The following TOM1L2 variants were observed in gnomAD, a reference collection of about 807,000 sequenced individuals.
TOM1L2 encodes TOM1-like protein 2.
In TOM1L2, 31 loss-of-function variants were observed where a neutral mutation model predicts 67.9. The observed-to-expected ratio is 0.46, with a 90% confidence interval of 0.34 to 0.62. The LOEUF (loss-of-function observed/expected upper bound fraction) is 0.62. Among genes scored for constraint, TOM1L2 ranks in the 20% least tolerant of loss-of-function variants. The pLI is 0.01. For missense variants in TOM1L2, 606 were observed against 663.5 expected (o/e 0.91, Z 0.95); for synonymous variants, 256 against 254.0 (o/e 1.01, Z -0.07).
At chr17:17,960,275 G>GCAGATTTGA (rs2041628863) in intron 1 of TOM1L2, among the ~76,000 whole-genome samples, 1 of 152,202 alleles carries the variant, frequency 6.6e-6, no homozygotes, top group African/African-American at 2.4e-5. Context: ...GCTGCCCACA[G>GCAGATTTGA]ACCTGGGTTC....
At chr17:17,953,449 C>T (rs770819502) in intron 1 of TOM1L2, among the ~76,000 whole-genome samples, 6 of 152,124 alleles carry the variant, frequency 3.9e-5, no homozygotes, top group African/African-American at 9.7e-5. Flanking sequence ...AGGAGTGCCC[C>T]GGATCACTTT....
chr17:17,971,975 C>T (rs550705084), intron 1 of TOM1L2, among the ~76,000 whole-genome samples: 3 of 152,048 alleles, frequency 2.0e-5, no homozygotes, highest in South Asian at 2.1e-4. Context: ...GGCACCGGCG[C>T]CCGGCGAACG....
intron 1 of TOM1L2, among the ~76,000 whole-genome samples, chr17:17,964,321 T>C (rs2041802366): frequency 6.6e-6 from 1 of 152,234 alleles, no homozygotes; most frequent in Non-Finnish European, 1.5e-5. Flanking sequence ...CCCTAACTGA[T>C]GCTCCTCTGG....
intron 1 of TOM1L2, among the ~76,000 whole-genome samples, chr17:17,948,746 T>C (rs1184340537): frequency 6.6e-6 from 1 of 151,932 alleles, no homozygotes; most frequent in South Asian, 2.1e-4. Context: ...TCACACCCCC[T>C]CTTGCTAAGA....
intron 1 of TOM1L2, among the ~76,000 whole-genome samples, chr17:17,960,674 T>C (rs1402630369): frequency 1.3e-5 from 2 of 152,124 alleles, no homozygotes; most frequent in African/African-American, 4.8e-5. Context: ...TCCTAGTCTT[T>C]TAAAATATGA....
chr17:17,967,732 C>T (rs757532966), intron 1 of TOM1L2, among the ~76,000 whole-genome samples: 14 of 152,262 alleles, frequency 9.2e-5, no homozygotes, highest in Middle Eastern at 3.4e-3. Flanking sequence ...CTCAGCCTCC[C>T]GAGTAGCTGG....
intron 1 of TOM1L2, among the ~76,000 whole-genome samples, chr17:17,908,648 AAAG>A (rs1322678439): frequency 6.6e-6 from 1 of 152,372 alleles, no homozygotes; most frequent in Non-Finnish European, 1.5e-5. Context: ...ACATTTCTCC[AAAG>A]AAGATATATA....
intron 3 of TOM1L2, among the ~76,000 whole-genome samples, chr17:17,894,981 ATG>A (rs1433300948): frequency 6.6e-6 from 1 of 152,082 alleles, no homozygotes; most frequent in Non-Finnish European, 1.5e-5. Context: ...ACATACATGC[ATG>A]CATGCATGCA....
intron 1 of TOM1L2, among the ~76,000 whole-genome samples, chr17:17,927,221 AG>A (rs1431315962): frequency 6.6e-6 from 1 of 152,242 alleles, no homozygotes; most frequent in African/African-American, 2.4e-5. Context: ...ATGGGGGTGG[AG>A]TCCAAAGGGA....
In TOM1L2 at chr17:17,872,073, T is replaced by C; in HGVS notation, c.778-2600A>G. On this transcript the variant is annotated intron_variant, in intron 7 of 14. Coordinates refer to ENST00000379504, the MANE Select transcript of TOM1L2 (RefSeq NM_001082968.2). ...AGACGTGGTCTGGATTGCCAGGCAATAATGGCCACAGGCGCCAATGGACAC... is the reference window on the plus strand; with the variant it reads ...AGACGTGGTCTGGATTGCCAGGCAACAATGGCCACAGGCGCCAATGGACAC... 4 of 985,186 alleles carry C rather than the reference T, an allele frequency of 4.1e-6. No individual in the cohort carries two copies. In the South Asian group the frequency reaches 1.9e-4, roughly 46 times the overall value. The allele number at this position is 985,186 out of a possible 1,614,324, so 61.0% of individuals were successfully genotyped here.
In TOM1L2 at chr17:17,907,484, T is replaced by C; in HGVS notation, c.100A>G (p.Met34Val). The C allele has an allele frequency of 6.2e-7, 1 of 1,614,128 alleles. No homozygotes were observed. Among genetic ancestry groups the C allele is most frequent in the Non-Finnish European group, 8.5e-7 (1 of 1,179,988 alleles). ...SLQSEDWTLNMEICDIINETE... is the reference protein window; with the variant it reads ...SLQSEDWTLNVEICDIINETE... The stretch of plus-strand genomic sequence containing the variant: ...TCATTGATGATGTCACAGATCTCCA[T>C]ATTCAACGTCCAATCCTCACTTTGC... Residue 34 changes from methionine (M) to valine (V), a missense_variant, in exon 2 of 15, where the codon ATG (methionine) becomes GTG (valine). Around this residue, in one of 2 missense-constraint regions of TOM1L2, gnomAD observed 63 missense variants for 109.5 expected, o/e 0.58. Coordinates refer to ENST00000379504, the MANE Select transcript of TOM1L2 (RefSeq NM_001082968.2).
chr17:17,927,966 C>T (rs1244770758), intron 1 of TOM1L2, among the ~76,000 whole-genome samples: 1 of 152,136 alleles, frequency 6.6e-6, no homozygotes, highest in Non-Finnish European at 1.5e-5. Context: ...GAAATGCATA[C>T]TTAGGTATTC....
At chr17:17,873,975 G>C (rs995485692) in intron 7 of TOM1L2, among the ~76,000 whole-genome samples, 4 of 148,022 alleles carry the variant, frequency 2.7e-5, no homozygotes, top group African/African-American at 7.5e-5. Flanking sequence ...TTTTTTTTTA[G>C]ATGGGAGTCT....
intron 1 of TOM1L2, among the ~76,000 whole-genome samples, chr17:17,912,922 G>C (rs1014916402): frequency 6.6e-6 from 1 of 152,226 alleles, no homozygotes; most frequent in African/African-American, 2.4e-5. Context: ...ACGAGACTCC[G>C]TCTGCAATCC....
rs142811474 is a variant in TOM1L2, at chr17:17,944,452, C to G, written c.52+27810G>C. ...GGAAAATGACACCGACAGCTTGACG[C>G]TCCCTTCACCTCCATGGCTGCAAAC... On this transcript the variant is annotated intron_variant, in intron 1 of 14. Transcript: ENST00000379504. Among the ~76,000 whole-genome samples the G allele has an allele frequency of 2.5e-3, 386 of 152,318 alleles. 4 individuals are homozygous for G. Among genetic ancestry groups the G allele is most frequent in the African/African-American group, 8.9e-3 (368 of 41,566 alleles).
chr17:17,957,050 C>T (rs1203054386), intron 1 of TOM1L2, among the ~76,000 whole-genome samples: 2 of 152,262 alleles, frequency 1.3e-5, no homozygotes, highest in Non-Finnish European at 2.9e-5. Flanking sequence ...ACAATCATAG[C>T]TCGCTGCAGT....
At chr17:17,954,644 A>G (rs2041352212) in intron 1 of TOM1L2, among the ~76,000 whole-genome samples, 1 of 152,148 alleles carries the variant, frequency 6.6e-6, no homozygotes, top group African/African-American at 2.4e-5. Flanking sequence ...GGAGATGGGG[A>G]GTTCCAGAAA....
rs2041735938 is a variant in TOM1L2 at position 17,962,720 on chromosome 17, G to A, written c.52+9542C>T. Among the ~76,000 whole-genome samples the A allele has an allele frequency of 4.6e-5, 7 of 152,204 alleles. No homozygotes were observed. In the South Asian group the frequency reaches 1.5e-3, roughly 32 times the overall value. On this transcript the variant is annotated intron_variant, in intron 1 of 14. Coordinates refer to ENST00000379504, the MANE Select transcript of TOM1L2 (RefSeq NM_001082968.2). ...CACGCCTGTAATCTCAGCACTTTGGGAGGCTGAGGTGGGTGGAATCACAAG... is the reference window on the plus strand; with the variant it reads ...CACGCCTGTAATCTCAGCACTTTGGAAGGCTGAGGTGGGTGGAATCACAAG...
intron 4 of TOM1L2, among the ~76,000 whole-genome samples, chr17:17,885,724 A>G (rs928274468): frequency 6.6e-6 from 1 of 152,062 alleles, no homozygotes; most frequent in African/African-American, 2.4e-5. Context: ...GGAGATCAAG[A>G]CCATCCTGGC....
Sources: allele counts gnomAD v4.1 joint callset (sites outside exome capture counted in the v4.1 genomes callset), GRCh38; gene constraint gnomAD v4.1.1; regional missense constraint gnomAD v4.1.1; transcripts MANE v1.5; gene names NCBI Gene and HGNC (gene_info 2026-07-23, HGNC 2026-07-21).